The following DTWD2 variants were observed in gnomAD, a reference collection of about 807,000 sequenced individuals.
DTWD2 encodes DTW motif tRNA-uridine aminocarboxypropyltransferase 2.
Under a neutral mutation model 31.8 loss-of-function variants are expected in DTWD2, and 39 were observed. The ratio of observed to expected loss-of-function variants is 1.22; its 90% CI spans 0.95 to 1.60. DTWD2 has a LOEUF of 1.60. DTWD2 is among the 40% of genes most tolerant of loss of function. The pLI, the probability that DTWD2 is intolerant of heterozygous loss-of-function variation, is 0.00. For missense variants in DTWD2, 515 were observed against 381.5 expected (o/e 1.35, Z -2.92); for synonymous variants, 180 against 142.8 (o/e 1.26, Z -1.86).
intron 4 of DTWD2, among the ~76,000 whole-genome samples, chr5:118,894,409 A>T (rs1753038207): frequency 6.6e-6 from 1 of 152,202 alleles, no homozygotes. Flanking sequence ...AAAAAAGAGA[A>T]AGAATAGAGC....
In DTWD2 at chr5:118,927,566, T is replaced by C. The variant is rs998576204; in HGVS notation, c.597+971A>G. Among the ~76,000 whole-genome samples the C allele has an allele frequency of 6.8e-4, 104 of 152,156 alleles. 1 individual carries two copies. Among genetic ancestry groups the C allele is most frequent in the Non-Finnish European group, 1.5e-4 (10 of 67,964 alleles). On this transcript the variant is annotated intron_variant, in intron 4 of 5. Coordinates refer to ENST00000510708, the MANE Select transcript of DTWD2 (RefSeq NM_173666.4). ...TGATTAAAAACAAGAAAAAAATGCATTCCTGAGTAATTAAAATAATTATTT... is the reference window on the plus strand; with the variant it reads ...TGATTAAAAACAAGAAAAAAATGCACTCCTGAGTAATTAAAATAATTATTT...
At chr5:118,958,874 A>G (rs1297900993) in intron 1 of DTWD2, among the ~76,000 whole-genome samples, 2 of 152,216 alleles carry the variant, frequency 1.3e-5, no homozygotes, top group East Asian at 3.8e-4. Flanking sequence ...TAGATGCAGA[A>G]AAGGCTTTCA....
chr5:118,891,891 C>T (rs1002436581), intron 4 of DTWD2, among the ~76,000 whole-genome samples: 2 of 152,260 alleles, frequency 1.3e-5, no homozygotes, highest in African/African-American at 4.8e-5. Flanking sequence ...AGAAAACCCA[C>T]AAACTTTTAT....
In DTWD2 at chr5:118,846,920, G is replaced by GCACACACA. The variant is rs144531960; in HGVS notation, c.726+1162_726+1169dup. Among the ~76,000 whole-genome samples, 373 of 134,972 alleles carry GCACACACA rather than the reference G, an allele frequency of 2.8e-3. 2 individuals are homozygous for GCACACACA. The highest frequency in any genetic ancestry group is 0.022 in the East Asian group (89 of 4,062). 88.5% of individuals were successfully genotyped at this position (134,972 alleles called of 152,430 possible). A position where few individuals can be genotyped will look rare whatever the true frequency, so the allele number is the denominator to read the frequency against. ...AAACAAAGTCTACTCAAACACACAG[G>GCACACACA]CACACACACACACACACACACACAC... On this transcript the variant is annotated intron_variant, in intron 5 of 5. Transcript: ENST00000510708.
At chr5:118,900,354 A>C (rs1414833786) in intron 4 of DTWD2, among the ~76,000 whole-genome samples, 1 of 152,084 alleles carries the variant, frequency 6.6e-6, no homozygotes, top group Non-Finnish European at 1.5e-5. Flanking sequence ...GCAAATATTA[A>C]AAAAAGCTAC....
At chr5:118,855,243 AACTTTTTACCGC>A (rs1752104234) in intron 4 of DTWD2, among the ~76,000 whole-genome samples, 2 of 142,222 alleles carry the variant, frequency 1.4e-5, no homozygotes, top group African/African-American at 2.6e-5. Context: ...GTTGCGGTAA[AACTTTTTACCGC>A]AACTTCTTGT....
chr5:118,879,003 G>A (rs1272876033), intron 4 of DTWD2, among the ~76,000 whole-genome samples: 2 of 151,546 alleles, frequency 1.3e-5, no homozygotes, highest in Non-Finnish European at 2.9e-5. Flanking sequence ...TGCTAGCAAG[G>A]TTGTAGAGGA....
chr5:118,964,311 T>C (rs973038501), intron 1 of DTWD2, among the ~76,000 whole-genome samples: 2 of 152,148 alleles, frequency 1.3e-5, no homozygotes, highest in African/African-American at 4.8e-5. Context: ...GGTTCCAAAT[T>C]ATACTTCATA....
At chr5:118,984,214 G>C (rs534431449) in intron 1 of DTWD2, among the ~76,000 whole-genome samples, 1 of 152,100 alleles carries the variant, frequency 6.6e-6, no homozygotes. Flanking sequence ...GCTTGAACCT[G>C]GGTGGCAGAG....
At chr5:118,844,828 G>A (rs1751809680) in intron 5 of DTWD2, among the ~76,000 whole-genome samples, 1 of 152,146 alleles carries the variant, frequency 6.6e-6, no homozygotes, top group African/African-American at 2.4e-5. Context: ...ATAGAATGAA[G>A]CCAAGTGAAA....
At chr5:118,974,220 G>C in intron 1 of DTWD2, 3 of 1,158,572 alleles carry the variant, frequency 2.6e-6, no homozygotes, top group Non-Finnish European at 3.8e-6. Flanking sequence ...GGTCACCTTC[G>C]AGTAGAGAGG....
intron 4 of DTWD2, among the ~76,000 whole-genome samples, chr5:118,881,627 T>G (rs936507318): frequency 6.6e-6 from 1 of 151,276 alleles, no homozygotes; most frequent in Non-Finnish European, 1.5e-5. Context: ...TGACTCAGAG[T>G]TCCACATGGC....
intron 4 of DTWD2, among the ~76,000 whole-genome samples, chr5:118,857,388 T>C (rs147401931): frequency 1.3e-5 from 2 of 152,186 alleles, no homozygotes; most frequent in African/African-American, 2.4e-5. Flanking sequence ...TTTGGCCATA[T>C]GTTGGGGGTT....
chr5:118,913,296 C>T (rs1293026763), intron 4 of DTWD2, among the ~76,000 whole-genome samples: 1 of 151,624 alleles, frequency 6.6e-6, no homozygotes, highest in Admixed American at 6.6e-5. Context: ...GCCAGCAGAT[C>T]GCCTTTGGAC....
chr5:118,911,731 C>T (rs1217813525), intron 4 of DTWD2, among the ~76,000 whole-genome samples: 3 of 152,160 alleles, frequency 2.0e-5, no homozygotes, highest in African/African-American at 4.8e-5. Flanking sequence ...CTGCCATTTG[C>T]GGCAAGCTGG....
intron 4 of DTWD2, among the ~76,000 whole-genome samples, chr5:118,925,121 A>T (rs1325454767): frequency 6.6e-6 from 1 of 152,216 alleles, no homozygotes; most frequent in Non-Finnish European, 1.5e-5. Flanking sequence ...TTCCATTGTT[A>T]TTCTTCACTA....
chr5:118,885,336 C>T (rs1752837494), intron 4 of DTWD2, among the ~76,000 whole-genome samples: 1 of 151,314 alleles, frequency 6.6e-6, no homozygotes, highest in Non-Finnish European at 1.5e-5. Flanking sequence ...ACCTGCAGTC[C>T]CAGCTATCAG....
At position 118,838,856 on chromosome 5, in the gene DTWD2, T is replaced by A. The variant is rs1751637131; in HGVS notation, c.*2061A>T. The stretch of plus-strand genomic sequence containing the variant: ...AATTTTGAGATACAAAATGGTATAC[T>A]GGGGGTAGGGGGAGTTTTCTTTTTA... On this transcript the variant is annotated 3_prime_UTR_variant, in exon 6 of 6. Transcript: ENST00000510708. 6.6e-6 allele frequency: 1 copy of A among 152,040 alleles called. No homozygotes were observed. The highest frequency in any genetic ancestry group is 2.4e-5 in the African/African-American group (1 of 41,390). The allele number at this position is 152,040 out of a possible 1,614,324, so 9.4% of individuals were successfully genotyped here. A position where few individuals can be genotyped will look rare whatever the true frequency, so the allele number is the denominator to read the frequency against.
In DTWD2 at chr5:118,988,276, C is replaced by T. The variant is rs1017300508; in HGVS notation, c.218+18G>A. 1.4e-5 allele frequency: 22 copies of T among 1,526,676 alleles called. No individual in the cohort carries two copies. In the East Asian group the frequency reaches 5.4e-4, roughly 38 times the overall value. 94.6% of individuals were successfully genotyped at this position (1,526,676 alleles called of 1,614,324 possible). On this transcript the variant is annotated intron_variant, in intron 1 of 5. Transcript: ENST00000510708. ...GGCCGCTGCCGGCTGCAGTCCCCGC[C>T]CCCAGCCCCGCGGTCACCTGCAGCG...
Sources: gnomAD v4.1 joint callset for allele counts (sites outside exome capture counted in the v4.1 genomes callset) on GRCh38, gnomAD v4.1.1 for gene constraint, MANE v1.5 for transcripts, NCBI Gene and HGNC (gene_info 2026-07-23, HGNC 2026-07-21) for gene names.